Variants in RHO observed in about 807,000 individuals in gnomAD.
RHO encodes the protein opsin 2, rod pigment.
Under a neutral mutation model 31.2 loss-of-function variants are expected in RHO, and 21 were observed. The observed-to-expected ratio is 0.67, with a 90% confidence interval of 0.48 to 0.97. The LOEUF is 0.97. Ranked by LOEUF, RHO falls within the 50% of genes least tolerant of loss-of-function variation. The probability of loss-of-function intolerance (pLI) is 0.00; values close to 1 mark genes in which losing one functional copy is unlikely to be tolerated. For synonymous variants in RHO, 211 were observed against 196.6 expected (o/e 1.07, Z -0.61); for missense variants, 414 against 479.5 (o/e 0.86, Z 1.28).
chr3:129,533,825 G>T lies in RHO; in HGVS notation c.*107G>T. The T allele has an allele frequency of 1.3e-6, 1 of 774,312 alleles. No individual in the cohort carries two copies. Among genetic ancestry groups the T allele is most frequent in the Non-Finnish European group, 2.2e-6 (1 of 445,220 alleles). The allele number at this position is 774,312 out of a possible 1,614,324, so 48.0% of individuals were successfully genotyped here. A position where few individuals can be genotyped will look rare whatever the true frequency, so the allele number is the denominator to read the frequency against. On this transcript the variant is annotated 3_prime_UTR_variant, in exon 5 of 5. Transcript: ENST00000296271. ...GCAGCGCCTGTGCAGAATGAACGAA[G>T]TCACATAGGCTCCTTAATTTTTTTT...
Position 129,530,980 on chromosome 3 carries a change from G to C in RHO, c.466G>C (p.Gly156Arg). ...CTTCGGGGAGAACCATGCCATCATG[G>C]GCGTTGCCTTCACCTGGGTCATGGC... is the stretch of plus-strand genomic sequence containing the variant. ...FRFGENHAIM[G>R]VAFTWVMALA... The change falls in exon 2 of 5, where the codon GGC becomes CGC. Residue 156 changes from glycine (G) to arginine (R), a missense_variant. Physicochemically the swap from Gly to Arg is moderately radical, Grantham distance 125 (BLOSUM62 -2). Coordinates refer to ENST00000296271, the MANE Select transcript of RHO (RefSeq NM_000539.3). The C allele has an allele frequency of 1.9e-6, 3 of 1,614,240 alleles. No homozygotes were observed. The highest frequency in any genetic ancestry group is 2.5e-6 in the Non-Finnish European group (3 of 1,180,044).
intron 4 of RHO, among the ~76,000 whole-genome samples, chr3:129,533,359 C>G (rs1050400032): frequency 2.0e-5 from 3 of 152,202 alleles, no homozygotes; most frequent in Non-Finnish European, 4.4e-5. Flanking sequence ...ACAGAACACC[C>G]TTGGCACACA....
rs560500100 is a variant in RHO at position 129,531,123 on chromosome 3, G to A, written c.530+79G>A. 4.7e-5 allele frequency: 73 copies of A among 1,548,456 alleles called. 1 individual carries two copies. In the South Asian group the frequency reaches 7.6e-4, roughly 16 times the overall value. ...CCAGTCAGGACTCAAACCCAGTAGT[G>A]TCTGGTTCCAGGCACTGACCTTGTA... On this transcript the variant is annotated intron_variant, in intron 2 of 4. Transcript: ENST00000296271.
chr3:129,532,278 G>T lies in RHO; in HGVS notation c.558G>T (p.Ser186=), dbSNP rs145549270. ...ACATCCCCGAGGGCCTGCAGTGCTC[G>T]TGTGGAATCGACTACTACACGCTCA... ...SRYIPEGLQC[S]CGIDYYTLKP... Residue 186 remains serine, a synonymous_variant, in exon 3 of 5, where the codon TCG becomes TCT. Coordinates refer to ENST00000296271, the MANE Select transcript of RHO (RefSeq NM_000539.3). The surrounding 1 kb of genome is among the most constrained non-coding windows in gnomAD (Gnocchi z 5.5). 1.5e-5 allele frequency: 25 copies of T among 1,614,096 alleles called. No homozygotes were observed. In the South Asian group the frequency reaches 2.4e-4, roughly 16 times the overall value.
chr3:129,530,536 ACAC>A (rs2084771767), intron 1 of RHO, among the ~76,000 whole-genome samples: 1 of 138,068 alleles, frequency 7.2e-6, no homozygotes, highest in Non-Finnish European at 1.6e-5. Flanking sequence ...CACACACAAC[ACAC>A]ACACACACAC....
rs375044079 is a variant in RHO, at chr3:129,531,064, G to A, written c.530+20G>A. The A allele has an allele frequency of 4.3e-4, 686 of 1,611,552 alleles. No individual in the cohort carries two copies. The highest frequency in any genetic ancestry group is 8.5e-4 in the Admixed American group (51 of 60,030). ...GTCCAGGTAATGGCACTGAGCAGAA[G>A]GGAAGAAGCTCCGGGGGCTCTTTGT... On this transcript the variant is annotated intron_variant, in intron 2 of 4. Coordinates refer to ENST00000296271, the MANE Select transcript of RHO (RefSeq NM_000539.3).
chr3:129,530,127 C>T (rs558037874), intron 1 of RHO, among the ~76,000 whole-genome samples: 61 of 152,316 alleles, frequency 4.0e-4, no homozygotes, highest in East Asian at 2.7e-3. Flanking sequence ...TCACAGATCA[C>T]TCAGTTCTGG....
In RHO at chr3:129,535,109, C is replaced by T. The variant is rs1025763585; in HGVS notation, c.*1391C>T. ...AGCCAGAAGCTCTAGCTTTACCCAG[C>T]TCTGCCTGGAGACTAAGGCAAATTG... On this transcript the variant is annotated 3_prime_UTR_variant, in exon 5 of 5. Coordinates refer to ENST00000296271, the MANE Select transcript of RHO (RefSeq NM_000539.3). 2 of 152,694 alleles carry T rather than the reference C, an allele frequency of 1.3e-5. No individual in the cohort carries two copies. The highest frequency in any genetic ancestry group is 2.9e-5 in the Non-Finnish European group (2 of 68,072). 9.5% of individuals were successfully genotyped at this position (152,694 alleles called of 1,614,324 possible). A position where few individuals can be genotyped will look rare whatever the true frequency, so the allele number is the denominator to read the frequency against.
chr3:129,529,315 T>C (rs972565823), intron 1 of RHO, among the ~76,000 whole-genome samples: 3 of 152,264 alleles, frequency 2.0e-5, no homozygotes, highest in Non-Finnish European at 4.4e-5. Flanking sequence ...TGATCTTATT[T>C]GGAGCAATAT....
Position 129,533,859 on chromosome 3 carries a change from A to T in RHO, c.*141A>T, listed in dbSNP as rs1369075898. 44 of 585,134 alleles carry T rather than the reference A, an allele frequency of 7.5e-5. No individual in the cohort carries two copies. Among genetic ancestry groups the T allele is most frequent in the Non-Finnish European group, 1.3e-4 (42 of 331,356 alleles). 36.2% of individuals were successfully genotyped at this position (585,134 alleles called of 1,614,324 possible). A position where few individuals can be genotyped will look rare whatever the true frequency, so the allele number is the denominator to read the frequency against. On this transcript the variant is annotated 3_prime_UTR_variant, in exon 5 of 5. Coordinates refer to ENST00000296271, the MANE Select transcript of RHO (RefSeq NM_000539.3). The stretch of plus-strand genomic sequence containing the variant: ...GCTCCTTAATTTTTTTTTTTTTTTT[A>T]AGAAATAATTAATGAGGCTCCTCAC...
chr3:129,529,539 C>T (rs569445278), intron 1 of RHO, among the ~76,000 whole-genome samples: 187 of 152,208 alleles, frequency 1.2e-3, no homozygotes, highest in Non-Finnish European at 2.2e-3. Flanking sequence ...GCAAGCCAGA[C>T]CCCTCCTCTC....
chr3:129,533,535 A>T, intron 4 of RHO, 73 bp from the exon 5 acceptor site: 1 of 1,121,504 alleles, frequency 8.9e-7, no homozygotes, highest in South Asian at 1.2e-5. Flanking sequence ...GGTCGGGGCG[A>T]ACCTCACTAA....
rs2084757540 is a variant in RHO, at chr3:129,528,917, A to AC, written c.186dup (p.Val63ArgfsTer21). 6.2e-7 allele frequency: 1 copy of AC among 1,614,056 alleles called. No homozygotes were observed. The highest frequency in any genetic ancestry group is 8.5e-7 in the Non-Finnish European group (1 of 1,180,056). The stretch of plus-strand genomic sequence containing the variant: ...CATCAACTTCCTCACGCTCTACGTC[A>AC]CCGTCCAGCACAAGAAGCTGCGCAC... On this transcript the variant is annotated frameshift_variant, in exon 1 of 5. Transcript: ENST00000296271. LOFTEE classifies it high-confidence loss of function.
intron 4 of RHO, 112 bp from the exon 5 acceptor site, chr3:129,533,496 G>A: frequency 1.2e-6 from 1 of 842,206 alleles, no homozygotes; most frequent in Non-Finnish European, 2.1e-6. Context: ...ATGGGGCGCT[G>A]GAATCGTGAG....
rs528482125 is a variant in RHO, at chr3:129,534,709, A to G, written c.*991A>G. Reference sequence around the variant, plus strand: ...GTGCCTCCCCTTCCCAATGTGGCCTATGGAGAGACAGGCCTTTCTCTCAGC... The same window carrying G: ...GTGCCTCCCCTTCCCAATGTGGCCTGTGGAGAGACAGGCCTTTCTCTCAGC... On this transcript the variant is annotated 3_prime_UTR_variant, in exon 5 of 5. Transcript: ENST00000296271. 1 of 152,768 alleles carries G rather than the reference A, an allele frequency of 6.5e-6. No homozygotes were observed. The highest frequency in any genetic ancestry group is 2.1e-4 in the South Asian group (1 of 4,824). The allele number at this position is 152,768 out of a possible 1,614,324, so 9.5% of individuals were successfully genotyped here. A position where few individuals can be genotyped will look rare whatever the true frequency, so the allele number is the denominator to read the frequency against.
In RHO at chr3:129,532,445, G is replaced by C; in HGVS notation, c.696+29G>C. 6.2e-7 allele frequency: 1 copy of C among 1,613,858 alleles called. No homozygotes were observed. On this transcript the variant is annotated intron_variant, in intron 3 of 4. Transcript: ENST00000296271. This position sits in a 1 kb window ranked among gnomAD's most constrained non-coding sequence, Gnocchi z 5.5. ...CGGGCCGGGGGGTGGGCGGCCTCACGGCTCTGAGGGTCCAGCCCCCAGCAT... is the reference window on the plus strand; with the variant it reads ...CGGGCCGGGGGGTGGGCGGCCTCACCGCTCTGAGGGTCCAGCCCCCAGCAT...
intron 2 of RHO, among the ~76,000 whole-genome samples, chr3:129,531,351 CG>C (rs1232154332): frequency 3.2e-4 from 49 of 152,324 alleles, no homozygotes; most frequent in Non-Finnish European, 4.0e-4. Flanking sequence ...TCTAGTACCC[CG>C]GGGGCAGCCC....
rs771007146 is a variant in RHO, at chr3:129,528,911, T to C, written c.178T>C (p.Tyr60His). The C allele has an allele frequency of 7.4e-5, 120 of 1,614,134 alleles. No homozygotes were observed. Among genetic ancestry groups the C allele is most frequent in the Non-Finnish European group, 9.2e-5 (109 of 1,180,054 alleles). The change falls in exon 1 of 5, where the codon TAC becomes CAC. Residue 60 changes from tyrosine to histidine, a missense_variant. Tyr to His is a moderately conservative substitution (Grantham distance 83). Transcript: ENST00000296271. Reference protein sequence around the residue: ...LGFPINFLTLYVTVQHKKLRT... With the variant: ...LGFPINFLTLHVTVQHKKLRT... ...CTTCCCCATCAACTTCCTCACGCTC[T>C]ACGTCACCGTCCAGCACAAGAAGCT...
chr3:129,533,592 GC>G lies in RHO; in HGVS notation c.937-14del. 1 of 1,600,786 alleles carries G rather than the reference GC, an allele frequency of 6.2e-7. No homozygotes were observed. The highest frequency in any genetic ancestry group is 8.6e-7 in the Non-Finnish European group (1 of 1,167,922). ...GTGGGCAGCCCTGGCCCTGACTCAA[GC>G]CTCTTGCCTTCCAGTTCCGGAACTG... On this transcript the variant is annotated splice_polypyrimidine_tract_variant and intron_variant, in intron 4 of 4. Transcript: ENST00000296271.
Sources: allele counts gnomAD v4.1 joint callset (sites outside exome capture counted in the v4.1 genomes callset), GRCh38; gene constraint gnomAD v4.1.1; non-coding constraint Gnocchi (gnomAD v3.1); transcripts MANE v1.5; gene names NCBI Gene and HGNC (gene_info 2026-07-23, HGNC 2026-07-21).